The following USP47 variants were observed in gnomAD, a reference collection of about 807,000 sequenced individuals.
USP47 encodes ubiquitin carboxyl-terminal hydrolase 47.
USP47 carries 35 observed loss-of-function variants against 165.1 expected under a neutral mutation model. That is an observed-to-expected ratio of 0.21 (90% CI 0.16 to 0.28). The LOEUF (loss-of-function observed/expected upper bound fraction) is 0.28, where lower values mean the gene tolerates loss of function less well. USP47 is among the 10% of genes least tolerant of loss of function. The pLI is 1.00. For missense variants in USP47, 1,277 were observed against 1,607.4 expected (o/e 0.79, Z 3.52); for synonymous variants, 531 against 544.5 (o/e 0.98, Z 0.35).
chr11:11,845,342 C>G (rs1848367568), intron 1 of USP47, among the ~76,000 whole-genome samples: 1 of 152,126 alleles, frequency 6.6e-6, no homozygotes, highest in South Asian at 2.1e-4. Context: ...CCTTCCTGTT[C>G]AAAACCTTCA....
At position 11,956,940 on chromosome 11, in the gene USP47, T is replaced by C. The variant is rs1359346989; in HGVS notation, c.*765T>C. 3 of 152,270 alleles carry C rather than the reference T, an allele frequency of 2.0e-5. No homozygotes were observed. The highest frequency in any genetic ancestry group is 4.4e-5 in the Non-Finnish European group (3 of 68,050). The allele number at this position is 152,270 out of a possible 1,614,324, so 9.4% of individuals were successfully genotyped here. A position where few individuals can be genotyped will look rare whatever the true frequency, so the allele number is the denominator to read the frequency against. On this transcript the variant is annotated 3_prime_UTR_variant, in exon 28 of 28. Transcript: ENST00000527733. Reference sequence around the variant, plus strand: ...AAATAAAATTGATCCTGTTGAGTTATCATAATTGCAGTTCAACTATCTGCC... The same window carrying C: ...AAATAAAATTGATCCTGTTGAGTTACCATAATTGCAGTTCAACTATCTGCC...
intron 8 of USP47, among the ~76,000 whole-genome samples, chr11:11,914,791 C>T (rs954722204): frequency 1.3e-5 from 2 of 152,098 alleles, no homozygotes; most frequent in African/African-American, 4.8e-5. Context: ...AATGCAAATT[C>T]AAACCATAAT....
intron 1 of USP47, among the ~76,000 whole-genome samples, chr11:11,869,293 A>G (rs1438159397): frequency 6.6e-6 from 1 of 151,822 alleles, no homozygotes; most frequent in African/African-American, 2.4e-5. Flanking sequence ...ATTTTAATAT[A>G]AGATGGAGAG....
At chr11:11,858,611 G>A (rs1163605768) in intron 1 of USP47, among the ~76,000 whole-genome samples, 1 of 152,100 alleles carries the variant, frequency 6.6e-6, no homozygotes, top group African/African-American at 2.4e-5. Flanking sequence ...CCACTGATCT[G>A]TTTTCTGTCC....
At chr11:11,944,412 A>G (rs896650820) in intron 20 of USP47, among the ~76,000 whole-genome samples, 4 of 152,212 alleles carry the variant, frequency 2.6e-5, no homozygotes, top group African/African-American at 7.2e-5. Context: ...TACAACATTC[A>G]TACATATATC....
At chr11:11,842,365 T>C (rs891776303) in intron 1 of USP47, 141 bp downstream of exon 1, 2 of 964,600 alleles carry the variant, frequency 2.1e-6, no homozygotes, top group Non-Finnish European at 3.0e-6. Flanking sequence ...CAGTCGGGGG[T>C]GGACGGTGGG....
chr11:11,848,350 G>A (rs1203565695), intron 1 of USP47, among the ~76,000 whole-genome samples: 1 of 152,178 alleles, frequency 6.6e-6, no homozygotes, highest in African/African-American at 2.4e-5. Context: ...TTACTGTACT[G>A]AATACTGTAG....
chr11:11,918,818 G>GT (rs1295073697), intron 8 of USP47, among the ~76,000 whole-genome samples: 5 of 151,840 alleles, frequency 3.3e-5, no homozygotes, highest in Non-Finnish European at 5.9e-5. Flanking sequence ...TGAATATTGA[G>GT]TTTTTACCAG....
chr11:11,932,767 A>G (rs1404259309), intron 14 of USP47, among the ~76,000 whole-genome samples: 2 of 152,198 alleles, frequency 1.3e-5, no homozygotes, highest in African/African-American at 2.4e-5. Context: ...GCCAAGAGCC[A>G]TTTTGAATAA....
intron 3 of USP47, among the ~76,000 whole-genome samples, chr11:11,887,762 AC>A (rs1261479998): frequency 1.3e-5 from 2 of 152,184 alleles, no homozygotes; most frequent in Non-Finnish European, 2.9e-5. Context: ...CCCCACAACA[AC>A]AGAATATACA....
chr11:11,867,183 C>T (rs143777189), intron 1 of USP47, among the ~76,000 whole-genome samples: 15 of 152,296 alleles, frequency 9.8e-5, no homozygotes, highest in East Asian at 1.9e-4. Context: ...AGGCGTGAGC[C>T]GCTGTGCCTG....
intron 2 of USP47, among the ~76,000 whole-genome samples, chr11:11,881,185 CTTG>C (rs1850803002): frequency 6.6e-6 from 1 of 151,996 alleles, no homozygotes; most frequent in Non-Finnish European, 1.5e-5. Context: ...TCAGTTCTTG[CTTG>C]TTGTGGAAAA....
At position 11,920,468 on chromosome 11, in the gene USP47, A is replaced by G. The variant is rs751790766; in HGVS notation, c.1192A>G (p.Ser398Gly). The G allele has an allele frequency of 6.2e-7, 1 of 1,609,070 alleles. No homozygotes were observed. The highest frequency in any genetic ancestry group is 8.5e-7 in the Non-Finnish European group (1 of 1,177,620). ...GACATTTCCCGAGGAACTAGATATG[A>G]GTACTTTTATTGATGTTGAAGATGA... ...RMTFPEELDM[S>G]TFIDVEDEKS... The change falls in exon 10 of 28, where the codon AGT (serine) becomes GGT (glycine). Residue 398 changes from serine (S) to glycine (G), a missense_variant. Ser to Gly is a moderately conservative substitution (Grantham distance 56). Transcript: ENST00000527733.
intron 1 of USP47, among the ~76,000 whole-genome samples, chr11:11,872,343 A>G (rs1850120330): frequency 6.6e-6 from 1 of 152,100 alleles, no homozygotes. Context: ...ACCTTTTCTA[A>G]CCCAGCCTTG....
At chr11:11,918,958 CT>C (rs1479210400) in intron 8 of USP47, among the ~76,000 whole-genome samples, 1 of 151,506 alleles carries the variant, frequency 6.6e-6, no homozygotes, top group Non-Finnish European at 1.5e-5. Flanking sequence ...AAAAATATGC[CT>C]GAGAGGGAAA....
intron 1 of USP47, among the ~76,000 whole-genome samples, chr11:11,863,801 G>A (rs948209981): frequency 7.2e-5 from 11 of 151,894 alleles, no homozygotes; most frequent in East Asian, 3.8e-4. Flanking sequence ...TGGCCAGTGC[G>A]AGCCCTTTCA....
chr11:11,930,225 C>G, intron 13 of USP47, 105 bp downstream of exon 13: 1 of 1,038,960 alleles, frequency 9.6e-7, no homozygotes, highest in Non-Finnish European at 1.4e-6. Flanking sequence ...GGAACTACAA[C>G]CCATGAGCCA....
intron 1 of USP47, among the ~76,000 whole-genome samples, chr11:11,872,525 A>G (rs1173257319): frequency 2.8e-4 from 42 of 152,174 alleles, no homozygotes; most frequent in Admixed American, 2.8e-3. Flanking sequence ...TACTTGAGCA[A>G]AGGAGGTGAG....
At position 11,936,525 on chromosome 11, in the gene USP47, A is replaced by C; in HGVS notation, c.2077+15A>C. ...TAAACCTGGAGGTGAGCAATTTTAC[A>C]CTATTTTTAGTTGTTCTGTACTTAG... On this transcript the variant is annotated intron_variant, in intron 17 of 27. Transcript: ENST00000527733. The C allele has an allele frequency of 6.5e-7, 1 of 1,548,442 alleles. No homozygotes were observed. The highest frequency in any genetic ancestry group is 8.8e-7 in the Non-Finnish European group (1 of 1,141,420).
Sources: allele counts gnomAD v4.1 joint callset (sites outside exome capture counted in the v4.1 genomes callset), GRCh38; gene constraint gnomAD v4.1.1; transcripts MANE v1.5; gene names NCBI Gene and HGNC (gene_info 2026-07-23, HGNC 2026-07-21).